The following NFATC2 variants were observed in gnomAD, a reference collection of about 807,000 sequenced individuals.
NFATC2 encodes nuclear factor of activated T cells 2.
A neutral mutation model predicts 87.3 loss-of-function variants in NFATC2; 22 were observed. That is an observed-to-expected ratio of 0.25 (90% CI 0.18 to 0.36). NFATC2 has a LOEUF of 0.36. NFATC2 is among the 10% of genes least tolerant of loss of function. The pLI, the probability that NFATC2 is intolerant of heterozygous loss-of-function variation, is 1.00. For synonymous variants in NFATC2, 565 were observed against 542.2 expected (o/e 1.04, Z -0.58); for missense variants, 1,149 against 1,259.1 (o/e 0.91, Z 1.32).
At position 51,433,567 on chromosome 20, in the gene NFATC2, G is replaced by T. The variant is rs372861998; in HGVS notation, c.2033-811C>A. Among the ~76,000 whole-genome samples the T allele has an allele frequency of 2.0e-5, 3 of 152,228 alleles. No individual in the cohort carries two copies. The East Asian group carries it at 5.8e-4, about 29-fold the overall frequency. On this transcript the variant is annotated intron_variant, in intron 8 of 10. Transcript: ENST00000371564. ...CATCATGACTACCACTTGTGTTGTC[G>T]CTGTGGCCATTCCTTTCTCCCTGCC...
Position 51,523,611 on chromosome 20 carries a change from A to G in NFATC2, c.630T>C (p.Ala210=). ...TTGGCGAGGTTCTGGGGGAATAATGAGCAGGGATGTTTTGAAACTGCGGAC... is the reference window on the plus strand; with the variant it reads ...TTGGCGAGGTTCTGGGGGAATAATGGGCAGGGATGTTTTGAAACTGCGGAC... ...DLCPQFQNIP[A]HYSPRTSPIM... The change falls in exon 2 of 11, where the codon GCT becomes GCC. Residue 210 remains alanine, a synonymous_variant. Transcript: ENST00000371564. This position sits in a 1 kb window ranked among gnomAD's most constrained non-coding sequence, Gnocchi z 6.9. 6.2e-7 allele frequency: 1 copy of G among 1,613,810 alleles called. No individual in the cohort carries two copies. Among genetic ancestry groups the G allele is most frequent in the South Asian group, 1.1e-5 (1 of 91,072 alleles).
chr20:51,486,980 C>T (rs1206082690), intron 3 of NFATC2, among the ~76,000 whole-genome samples: 1 of 152,304 alleles, frequency 6.6e-6, no homozygotes, highest in East Asian at 1.9e-4. Context: ...AGCACAGCAG[C>T]CTGGCAGCTC....
At chr20:51,547,226 T>C (rs993175856), upstream of NFATC2, among the ~76,000 whole-genome samples, 3 of 152,078 alleles carry the variant, frequency 2.0e-5, no homozygotes, top group Admixed American at 6.5e-5. Flanking sequence ...AGGAAAGAGA[T>C]AATGGGGGCG....
At chr20:51,458,984 C>G (rs1184985019) in intron 5 of NFATC2, among the ~76,000 whole-genome samples, 1 of 152,152 alleles carries the variant, frequency 6.6e-6, no homozygotes, top group Non-Finnish European at 1.5e-5. Context: ...CATCTGCCAT[C>G]CCTGCTCTGT....
intron 5 of NFATC2, among the ~76,000 whole-genome samples, chr20:51,465,374 C>G (rs148668078): frequency 6.6e-6 from 1 of 151,990 alleles, no homozygotes; most frequent in African/African-American, 2.4e-5. Flanking sequence ...AGTGAGAATC[C>G]GTCTCAAAAA....
intron 3 of NFATC2, among the ~76,000 whole-genome samples, chr20:51,511,232 T>C (rs1402676235): frequency 2.0e-5 from 3 of 152,226 alleles, no homozygotes; most frequent in Non-Finnish European, 2.9e-5. Context: ...AGTTCAGTCA[T>C]TTCCTTTCAT....
chr20:51,449,243 A>G (rs1333321115), intron 6 of NFATC2, among the ~76,000 whole-genome samples: 2 of 152,090 alleles, frequency 1.3e-5, no homozygotes, highest in Non-Finnish European at 2.9e-5. Flanking sequence ...TGAGTTTTGG[A>G]AAAAAGAAGT....
intron 1 of NFATC2, among the ~76,000 whole-genome samples, chr20:51,529,202 C>T (rs2076593858): frequency 6.6e-6 from 1 of 152,162 alleles, no homozygotes; most frequent in Admixed American, 6.5e-5. Context: ...TTATCAGAAA[C>T]ACACCCTTGG....
At position 51,432,030 on chromosome 20, in the gene NFATC2, C is replaced by T. The variant is rs763072499; in HGVS notation, c.2722+37G>A. ...CCTGGGCAGAGATGCTTCAGGGCAC[C>T]ATCCTTACAGGCAGTGACAAAACTC... On this transcript the variant is annotated intron_variant, in intron 9 of 10. Transcript: ENST00000371564. This position sits in a 1 kb window ranked among gnomAD's most constrained non-coding sequence, Gnocchi z 4.6. 2.7e-6 allele frequency: 4 copies of T among 1,504,618 alleles called. No homozygotes were observed. Among genetic ancestry groups the T allele is most frequent in the Non-Finnish European group, 3.6e-6 (4 of 1,124,800 alleles). The allele number at this position is 1,504,618 out of a possible 1,614,324, so 93.2% of individuals were successfully genotyped here. A position where few individuals can be genotyped will look rare whatever the true frequency, so the allele number is the denominator to read the frequency against.
At chr20:51,441,200 T>C (rs113675993) in intron 6 of NFATC2, among the ~76,000 whole-genome samples, 22,797 of 151,914 alleles carry the variant, frequency 0.15, 2,066 homozygotes, top group East Asian at 0.35. Flanking sequence ...GGAGAATCAC[T>C]TGAACCTGGG....
Position 51,523,248 on chromosome 20 carries a change from C to G in NFATC2, c.993G>C (p.Pro331=), listed in dbSNP as rs773445967. 1.9e-6 allele frequency: 3 copies of G among 1,613,480 alleles called. No homozygotes were observed. In the African/African-American group the frequency reaches 4.0e-5, roughly 22 times the overall value. The stretch of plus-strand genomic sequence containing the variant: ...CGGCCTTGGATGGGGCGGCAGACAC[C>G]GGCGAGGGGTCAGGGCTGGTCTTCC... The part of the protein sequence containing the change: ...KMWKTSPDPS[P]VSAAPSKAGL... The change falls in exon 2 of 11, where the codon CCG becomes CCC. Residue 331 remains proline (P), a synonymous_variant. Transcript: ENST00000371564. This position sits in a 1 kb window ranked among gnomAD's most constrained non-coding sequence, Gnocchi z 6.9.
At chr20:51,392,731 T>C (rs1276975782) in intron 10 of NFATC2, among the ~76,000 whole-genome samples, 1 of 152,206 alleles carries the variant, frequency 6.6e-6, no homozygotes, top group African/African-American at 2.4e-5. Flanking sequence ...CACCTTAGCC[T>C]TAAGTTACAT....
chr20:51,406,272 C>T (rs1600670041), intron 9 of NFATC2, among the ~76,000 whole-genome samples: 2 of 152,330 alleles, frequency 1.3e-5, no homozygotes, highest in Admixed American at 6.5e-5. Flanking sequence ...AACAAGAATA[C>T]GCTTCTCTGA....
intron 3 of NFATC2, among the ~76,000 whole-genome samples, chr20:51,491,007 C>T (rs1358367850): frequency 6.6e-6 from 1 of 152,132 alleles, no homozygotes; most frequent in African/African-American, 2.4e-5. Context: ...CCACCCAGGT[C>T]AGTGCCCAGA....
At chr20:51,435,846 C>A in intron 6 of NFATC2, 85 bp from the exon 7 acceptor site, 1 of 1,152,270 alleles carries the variant, frequency 8.7e-7, no homozygotes, top group East Asian at 2.6e-5. Context: ...TTCTGTTTAT[C>A]TTAGCTTGTA....
At chr20:51,442,076 C>T (rs1234068823) in intron 6 of NFATC2, among the ~76,000 whole-genome samples, 1 of 152,172 alleles carries the variant, frequency 6.6e-6, no homozygotes, top group Non-Finnish European at 1.5e-5. Context: ...AGTAGAAGAG[C>T]ACTGGGCAGC....
At chr20:51,482,972 G>A (rs1008674095) in intron 3 of NFATC2, among the ~76,000 whole-genome samples, 7 of 152,174 alleles carry the variant, frequency 4.6e-5, no homozygotes, top group East Asian at 1.9e-4. Context: ...CAGGACACGC[G>A]ATCTGAGGGG....
chr20:51,485,393 C>A (rs1027195163), intron 3 of NFATC2, among the ~76,000 whole-genome samples: 2 of 152,238 alleles, frequency 1.3e-5, no homozygotes, highest in Non-Finnish European at 2.9e-5. Context: ...GTCCCCTGGA[C>A]AGAGATGTCA....
chr20:51,441,717 CAA>C (rs11474273), intron 6 of NFATC2, among the ~76,000 whole-genome samples: 6 of 120,146 alleles, frequency 5.0e-5, no homozygotes, highest in African/African-American at 9.7e-5. Flanking sequence ...AACTCCATCT[CAA>C]AAAAAAAAAA....
Sources: gnomAD v4.1 joint callset for allele counts (sites outside exome capture counted in the v4.1 genomes callset) on GRCh38, gnomAD v4.1.1 for gene constraint, Gnocchi (gnomAD v3.1) non-coding constraint, MANE v1.5 for transcripts, NCBI Gene and HGNC (gene_info 2026-07-23, HGNC 2026-07-21) for gene names.